Variants in ULK4 observed in about 807,000 individuals in gnomAD.
ULK4 encodes unc-51 like kinase 4.
In ULK4, 133 loss-of-function variants were observed where a neutral mutation model predicts 160.6. The observed-to-expected ratio is 0.83, with a 90% CI of 0.72 to 0.96. The LOEUF is 0.96. ULK4 is among the 40% of genes least tolerant of loss of function. The pLI is 0.00. For synonymous variants in ULK4, 534 were observed against 539.8 expected (o/e 0.99, Z 0.15); for missense variants, 1,580 against 1,499.5 (o/e 1.05, Z -0.89).
intron 35 of ULK4, among the ~76,000 whole-genome samples, chr3:41,315,113 T>C (rs1268847487): frequency 6.6e-6 from 1 of 152,190 alleles, no homozygotes. Flanking sequence ...AAGAGTGACA[T>C]TGTTTTACAT....
At chr3:41,469,625 A>AAAAAAAAAAAAAAAAAC (rs1559625851) in intron 32 of ULK4, among the ~76,000 whole-genome samples, 1 of 148,530 alleles carries the variant, frequency 6.7e-6, no homozygotes. Context: ...AAAAAAAAAA[A>AAAAAAAAAAAAAAAAAC]AACACCTTAA....
intron 21 of ULK4, among the ~76,000 whole-genome samples, chr3:41,769,226 GAA>G (rs1022650775): frequency 7.9e-5 from 12 of 152,124 alleles, no homozygotes; most frequent in Admixed American, 3.3e-4. Context: ...AGTCATTTCA[GAA>G]AAACTGAATG....
At chr3:41,621,755 T>C (rs948303674) in intron 30 of ULK4, among the ~76,000 whole-genome samples, 6 of 152,056 alleles carry the variant, frequency 3.9e-5, no homozygotes, top group Non-Finnish European at 8.8e-5. Context: ...AAAGCCAAAA[T>C]TGACAAATGG....
chr3:41,475,034 G>T (rs1033322445), intron 32 of ULK4, among the ~76,000 whole-genome samples: 4 of 152,118 alleles, frequency 2.6e-5, no homozygotes, highest in Non-Finnish European at 2.9e-5. Flanking sequence ...AGAGATATCT[G>T]CACTCTCATG....
chr3:41,420,475 C>CTTTTTTTTTT lies in ULK4; in HGVS notation c.3493-22221_3493-22212dup, dbSNP rs1165381982. ...GGATTTTTCAGTTTTCCAGTTCTTT[C>CTTTTTTTTTT]TTTTTTTTTTTTTTTTTTTTTTTTT... On this transcript the variant is annotated intron_variant, in intron 34 of 36. Transcript: ENST00000301831. Among the ~76,000 whole-genome samples the CTTTTTTTTTT allele has an allele frequency of 3.7e-3, 151 of 41,178 alleles. 9 individuals carry two copies. The highest frequency in any genetic ancestry group is 6.0e-3 in the African/African-American group (60 of 10,044). 27.0% of individuals were successfully genotyped at this position (41,178 alleles called of 152,430 possible). A position where few individuals can be genotyped will look rare whatever the true frequency, so the allele number is the denominator to read the frequency against.
intron 17 of ULK4, among the ~76,000 whole-genome samples, chr3:41,839,767 C>A (rs1368726998): frequency 6.6e-6 from 1 of 151,994 alleles, no homozygotes; most frequent in African/African-American, 2.4e-5. Flanking sequence ...ATTCAAAATA[C>A]AACTGTACTC....
At chr3:41,309,509 T>G (rs914909821) in intron 35 of ULK4, among the ~76,000 whole-genome samples, 2 of 152,006 alleles carry the variant, frequency 1.3e-5, no homozygotes, top group African/African-American at 4.8e-5. Flanking sequence ...AGCTATGAGA[T>G]TTTAAAATTA....
intron 1 of ULK4, among the ~76,000 whole-genome samples, chr3:41,959,976 AGTAT>A: frequency 6.6e-6 from 1 of 152,344 alleles, no homozygotes; most frequent in East Asian, 1.9e-4. Flanking sequence ...GTTTTCATAC[AGTAT>A]GTATAACTGA....
intron 34 of ULK4, among the ~76,000 whole-genome samples, chr3:41,422,654 C>T (rs140583001): frequency 1.8e-3 from 274 of 151,982 alleles, no homozygotes; most frequent in Non-Finnish European, 2.8e-3. Context: ...TTTTACCTAT[C>T]AAATGGACAA....
intron 17 of ULK4, among the ~76,000 whole-genome samples, chr3:41,871,685 C>T (rs940494347): frequency 7.9e-5 from 12 of 152,260 alleles, no homozygotes; most frequent in African/African-American, 2.9e-4. Context: ...ATTTTCTAAT[C>T]GAATATTTTT....
intron 33 of ULK4, among the ~76,000 whole-genome samples, 191 bp from the exon 34 acceptor site, chr3:41,455,786 A>G (rs2083533103): frequency 6.6e-6 from 1 of 150,536 alleles, no homozygotes; most frequent in Admixed American, 6.6e-5. Flanking sequence ...GAGTGTAGAT[A>G]TTGCCACTGC....
intron 32 of ULK4, among the ~76,000 whole-genome samples, chr3:41,470,829 TGTATA>T (rs2083972162): frequency 6.6e-6 from 1 of 152,016 alleles, no homozygotes; most frequent in African/African-American, 2.4e-5. Context: ...AAAATAAAAA[TGTATA>T]GTAGACACAC....
chr3:41,770,993 G>C (rs2039338200), intron 21 of ULK4, among the ~76,000 whole-genome samples: 2 of 152,280 alleles, frequency 1.3e-5, no homozygotes, highest in South Asian at 4.2e-4. Context: ...ACGAAGACCT[G>C]TAGATTGAAA....
chr3:41,822,880 C>T (rs1274252348), intron 18 of ULK4, among the ~76,000 whole-genome samples: 1 of 151,938 alleles, frequency 6.6e-6, no homozygotes, highest in Non-Finnish European at 1.5e-5. Flanking sequence ...CACCACCACA[C>T]CCGGCTAATT....
rs569272416 is a variant in ULK4 at position 41,770,121 on chromosome 3, T to C, written c.2194-15633A>G. On this transcript the variant is annotated intron_variant, in intron 21 of 36. Coordinates refer to ENST00000301831, the MANE Select transcript of ULK4 (RefSeq NM_017886.4). ...TTAATACAGACTAAAAATATCACAA[T>C]ATACACACATAATCCGATTAATATG... 3.9e-5 allele frequency among the ~76,000 whole-genome samples: 6 copies of C among 152,334 alleles called. No homozygotes were observed. The South Asian group carries it at 1.2e-3, about 32-fold the overall frequency.
At chr3:41,708,649 T>A (rs2036987311) in intron 25 of ULK4, among the ~76,000 whole-genome samples, 1 of 152,050 alleles carries the variant, frequency 6.6e-6, no homozygotes, top group Non-Finnish European at 1.5e-5. Flanking sequence ...GGCTGAGGAA[T>A]GAGAATTGCT....
chr3:41,511,493 C>T (rs2085575837), intron 32 of ULK4, among the ~76,000 whole-genome samples: 1 of 152,058 alleles, frequency 6.6e-6, no homozygotes, highest in Admixed American at 6.6e-5. Flanking sequence ...AAAGATTATT[C>T]AAGGCTACTA....
chr3:41,837,573 T>G (rs1202762659), intron 17 of ULK4, among the ~76,000 whole-genome samples: 1 of 152,076 alleles, frequency 6.6e-6, no homozygotes, highest in Admixed American at 6.6e-5. Context: ...AACTTTTTTT[T>G]TTTTTTTCCA....
chr3:41,728,567 C>T (rs982306949), intron 22 of ULK4, among the ~76,000 whole-genome samples: 3 of 152,040 alleles, frequency 2.0e-5, no homozygotes. Context: ...AAGGGACAAA[C>T]ATCCAAACTC....
Sources: allele counts gnomAD v4.1 joint callset (sites outside exome capture counted in the v4.1 genomes callset), GRCh38; gene constraint gnomAD v4.1.1; transcripts MANE v1.5; gene names NCBI Gene and HGNC (gene_info 2026-07-23, HGNC 2026-07-21).